The following PTPRT variants were observed in gnomAD, a reference collection of about 807,000 sequenced individuals.
PTPRT encodes the protein receptor-type tyrosine-protein phosphatase T.
A neutral mutation model predicts 176.8 loss-of-function variants in PTPRT; 56 were observed. The ratio of observed to expected loss-of-function variants is 0.32; its 90% CI spans 0.26 to 0.40. The LOEUF (loss-of-function observed/expected upper bound fraction) is 0.40. PTPRT is among the 10% of genes least tolerant of loss of function. PTPRT has a pLI of 1.00. For synonymous variants in PTPRT, 783 were observed against 739.0 expected (o/e 1.06, Z -0.96); for missense variants, 1,540 against 1,908.2 (o/e 0.81, Z 3.60).
chr20:42,950,378 G>A (rs533840759), intron 1 of PTPRT, among the ~76,000 whole-genome samples: 1 of 152,116 alleles, frequency 6.6e-6, no homozygotes, highest in Non-Finnish European at 1.5e-5. Flanking sequence ...CTTTATTTTT[G>A]AGCATCTCAA....
chr20:42,061,849 G>A, the PTPRT span, among the ~76,000 whole-genome samples: 3 of 152,260 alleles, frequency 2.0e-5, no homozygotes, highest in Admixed American at 2.0e-4. Context: ...GCGTGGTTGG[G>A]AAGGTGTTGC....
At chr20:43,188,755 G>C (rs1373349769) in intron 1 of PTPRT, among the ~76,000 whole-genome samples, 1 of 150,696 alleles carries the variant, frequency 6.6e-6, no homozygotes, top group African/African-American at 2.4e-5. Flanking sequence ...CTCTTGGGGG[G>C]GGGGGGGCTC....
chr20:42,385,514 A>T (rs117732354), intron 9 of PTPRT, among the ~76,000 whole-genome samples: 1 of 152,216 alleles, frequency 6.6e-6, no homozygotes, highest in Non-Finnish European at 1.5e-5. Flanking sequence ...AGGTAAATAC[A>T]TTCTGGAGAT....
At chr20:42,834,374 A>T (rs1237932773) in intron 2 of PTPRT, among the ~76,000 whole-genome samples, 9 of 152,210 alleles carry the variant, frequency 5.9e-5, no homozygotes, top group Admixed American at 5.9e-4. Context: ...TGCTAACTGC[A>T]GGTGAGGACG....
chr20:43,063,265 A>G (rs945510187), intron 1 of PTPRT: 3 of 152,198 alleles, frequency 2.0e-5, no homozygotes, highest in Non-Finnish European at 2.9e-5. Context: ...AATTCCTCCA[A>G]CCATCCTTCA....
intron 2 of PTPRT, among the ~76,000 whole-genome samples, chr20:42,842,476 T>G (rs11699167): frequency 0.089 from 13,577 of 152,250 alleles, 742 homozygotes; most frequent in Admixed American, 0.15. Context: ...CTATAGAGCA[T>G]TGGCACAATC....
intron 2 of PTPRT, among the ~76,000 whole-genome samples, chr20:42,885,181 T>C (rs2079082805): frequency 6.8e-6 from 1 of 147,432 alleles, no homozygotes; most frequent in African/African-American, 2.5e-5. Flanking sequence ...TATAATAATA[T>C]GACCTTATAA....
At chr20:42,289,890 G>A (rs6030112) in intron 12 of PTPRT, among the ~76,000 whole-genome samples, 4,374 of 152,094 alleles carry the variant, frequency 0.029, 238 homozygotes, top group African/African-American at 0.1. Flanking sequence ...ACTGACAAAC[G>A]TGATGCCAAA....
At position 42,497,754 on chromosome 20, in the gene PTPRT, T is replaced by C. The variant is rs184381256; in HGVS notation, c.1154-25192A>G. ...AGAGTCTACAGATATGCCTTTCTTATAGAAATCCTGCAACCACATAAGAGC... is the reference window on the plus strand; with the variant it reads ...AGAGTCTACAGATATGCCTTTCTTACAGAAATCCTGCAACCACATAAGAGC... On this transcript the variant is annotated intron_variant, in intron 7 of 30. Coordinates refer to ENST00000373187, the MANE Select transcript of PTPRT (RefSeq NM_007050.6). 6.6e-5 allele frequency among the ~76,000 whole-genome samples: 10 copies of C among 152,322 alleles called. No homozygotes were observed. In the East Asian group the frequency reaches 1.9e-3, roughly 29 times the overall value.
intron 9 of PTPRT, among the ~76,000 whole-genome samples, chr20:42,385,502 T>A (rs1568833548): frequency 6.6e-6 from 1 of 152,226 alleles, no homozygotes; most frequent in Non-Finnish European, 1.5e-5. Context: ...TTCAGTTATA[T>A]GAGGTAAATA....
intron 9 of PTPRT, among the ~76,000 whole-genome samples, chr20:42,373,493 A>G (rs2058613821): frequency 6.6e-6 from 1 of 152,184 alleles, no homozygotes; most frequent in Admixed American, 6.5e-5. Flanking sequence ...TTTGATTGTC[A>G]CATCCCCAAA....
chr20:42,234,628 T>C (rs1035734162), intron 15 of PTPRT, among the ~76,000 whole-genome samples: 3 of 152,262 alleles, frequency 2.0e-5, no homozygotes, highest in Admixed American at 6.5e-5. Flanking sequence ...CTAACGTTTC[T>C]AATAGGTGAC....
Position 42,345,366 on chromosome 20 carries a change from TACACACACACAC to T in PTPRT, c.1865+5250_1865+5261del, listed in dbSNP as rs35901100. Among the ~76,000 whole-genome samples the T allele has an allele frequency of 3.7e-5, 5 of 134,098 alleles. No homozygotes were observed. The South Asian group carries it at 1.2e-3, about 33-fold the overall frequency. The allele number at this position is 134,098 out of a possible 152,430, so 88.0% of individuals were successfully genotyped here. Reference sequence around the variant, plus strand: ...AATAAGAGGTAGCTGAAGGCATATATACACACACACACACACACACACACACATATATATATA... The same window carrying T: ...AATAAGAGGTAGCTGAAGGCATATATACACACACACACACATATATATATA... On this transcript the variant is annotated intron_variant, in intron 11 of 30. Coordinates refer to ENST00000373187, the MANE Select transcript of PTPRT (RefSeq NM_007050.6).
At chr20:42,088,112 G>A (rs554635230) in intron 27 of PTPRT, among the ~76,000 whole-genome samples, 2 of 152,286 alleles carry the variant, frequency 1.3e-5, no homozygotes, top group Admixed American at 6.5e-5. Flanking sequence ...ACAGAGGGGA[G>A]ACAAGATTGC....
the PTPRT span, among the ~76,000 whole-genome samples, chr20:42,058,667 T>G: frequency 6.6e-6 from 1 of 152,140 alleles, no homozygotes; most frequent in Non-Finnish European, 1.5e-5. Context: ...GTTCCCTGAA[T>G]CAGTGAAGGA....
At chr20:42,169,520 G>T (rs1448560107) in intron 16 of PTPRT, among the ~76,000 whole-genome samples, 2 of 152,048 alleles carry the variant, frequency 1.3e-5, no homozygotes, top group Non-Finnish European at 2.9e-5. Context: ...CACATGCCAG[G>T]ATGGTATGGA....
At chr20:42,939,986 A>G (rs1208466618) in intron 1 of PTPRT, among the ~76,000 whole-genome samples, 1 of 152,194 alleles carries the variant, frequency 6.6e-6, no homozygotes, top group Non-Finnish European at 1.5e-5. Context: ...AGAGCAATGG[A>G]TAAGAATAGA....
At chr20:43,187,461 A>G (rs763064544) in intron 1 of PTPRT, among the ~76,000 whole-genome samples, 1 of 152,038 alleles carries the variant, frequency 6.6e-6, no homozygotes, top group Non-Finnish European at 1.5e-5. Flanking sequence ...ACAGATGTTC[A>G]TGAGGAACCC....
At chr20:42,463,331 T>C (rs6065484) in intron 8 of PTPRT, among the ~76,000 whole-genome samples, 33,081 of 152,048 alleles carry the variant, frequency 0.22, 3,798 homozygotes, top group East Asian at 0.33. Flanking sequence ...TTTCTTCTTC[T>C]ATTTAACAGC....
Sources: gnomAD v4.1 joint callset for allele counts (sites outside exome capture counted in the v4.1 genomes callset) on GRCh38, gnomAD v4.1.1 for gene constraint, MANE v1.5 for transcripts, NCBI Gene and HGNC (gene_info 2026-07-23, HGNC 2026-07-21) for gene names.